Variants in FRK observed in about 807,000 individuals in gnomAD.
FRK encodes fyn related Src family tyrosine kinase.
FRK carries 51 observed loss-of-function variants against 56.4 expected under a neutral mutation model. That is an observed-to-expected ratio of 0.90 (90% CI 0.72 to 1.14). The LOEUF (loss-of-function observed/expected upper bound fraction) is 1.14. Ranked by LOEUF, FRK falls within the 50% of genes most tolerant of loss-of-function variation. The pLI, the probability that FRK is intolerant of heterozygous loss-of-function variation, is 0.00. For synonymous variants in FRK, 245 were observed against 217.9 expected (o/e 1.12, Z -1.10); for missense variants, 570 against 601.4 (o/e 0.95, Z 0.55).
intron 1 of FRK, among the ~76,000 whole-genome samples, chr6:116,009,415 T>A (rs978382418): frequency 2.0e-5 from 3 of 152,214 alleles, no homozygotes; most frequent in Admixed American, 1.3e-4. Context: ...CTAATGTACA[T>A]TAAATTTGAG....
At chr6:116,012,490 T>C (rs1775509159) in intron 1 of FRK, among the ~76,000 whole-genome samples, 1 of 152,206 alleles carries the variant, frequency 6.6e-6, no homozygotes, top group Non-Finnish European at 1.5e-5. Flanking sequence ...TAGCGATGCA[T>C]TTTAAATTCT....
At chr6:115,981,961 G>T (rs1774215406) in intron 2 of FRK, among the ~76,000 whole-genome samples, 1 of 151,962 alleles carries the variant, frequency 6.6e-6, no homozygotes, top group Non-Finnish European at 1.5e-5. Flanking sequence ...ATTAGACAAA[G>T]GTTACTGTGA....
chr6:116,032,930 A>T (rs968850266), intron 1 of FRK, among the ~76,000 whole-genome samples: 1 of 152,142 alleles, frequency 6.6e-6, no homozygotes, highest in Non-Finnish European at 1.5e-5. Context: ...AAAATTTTTA[A>T]ATTATGGAAA....
chr6:115,969,533 G>A (rs1362841640), intron 2 of FRK, among the ~76,000 whole-genome samples: 1 of 152,138 alleles, frequency 6.6e-6, no homozygotes, highest in Non-Finnish European at 1.5e-5. Context: ...GAGAATTGTT[G>A]TTTCTCTGAA....
intron 2 of FRK, among the ~76,000 whole-genome samples, chr6:115,999,812 C>A (rs9488824): frequency 9.5e-4 from 144 of 152,204 alleles, no homozygotes; most frequent in African/African-American, 3.2e-3. Flanking sequence ...CTTTTTCTTT[C>A]CTTTCCATTT....
chr6:116,042,834 G>A (rs755823225), intron 1 of FRK, among the ~76,000 whole-genome samples: 1 of 151,992 alleles, frequency 6.6e-6, no homozygotes, highest in Non-Finnish European at 1.5e-5. Context: ...CTGTATTCAG[G>A]AGATCCATCT....
rs1041175889 is a variant in FRK, at chr6:116,027,975, T to C, written c.345-23977A>G. Reference sequence around the variant, plus strand: ...GTATCTACAGGAAAAGAAAACTGAGTCATTAAAATGCTCATAATAAGTGCC... The same window carrying C: ...GTATCTACAGGAAAAGAAAACTGAGCCATTAAAATGCTCATAATAAGTGCC... On this transcript the variant is annotated intron_variant, in intron 1 of 7. Coordinates refer to ENST00000606080, the MANE Select transcript of FRK (RefSeq NM_002031.3). Among the ~76,000 whole-genome samples, 5 of 152,028 alleles carry C rather than the reference T, an allele frequency of 3.3e-5. No homozygotes were observed. The South Asian group carries it at 8.3e-4, about 25-fold the overall frequency.
chr6:116,012,965 C>T (rs1775526454), intron 1 of FRK, among the ~76,000 whole-genome samples: 1 of 152,098 alleles, frequency 6.6e-6, no homozygotes, highest in South Asian at 2.1e-4. Context: ...CAGGGCTGTA[C>T]ACATGTAAAA....
intron 1 of FRK, among the ~76,000 whole-genome samples, chr6:116,054,410 A>G (rs1001312336): frequency 6.9e-6 from 1 of 145,786 alleles, no homozygotes; most frequent in African/African-American, 2.5e-5. Context: ...TTTTTTATAA[A>G]TATAGTATTA....
upstream of FRK, among the ~76,000 whole-genome samples, chr6:116,065,508 G>A (rs1777744731): frequency 6.6e-6 from 1 of 152,154 alleles, no homozygotes; most frequent in African/African-American, 2.4e-5. Context: ...TCTTTTGCCT[G>A]ATGTGATGAC....
In FRK at chr6:115,935,029, A is replaced by C. The variant is rs1283164060; in HGVS notation, c.*7385T>G. ...TAGAGTTTGACCTATTTTGTAGTCC[A>C]TTTAAAACTCTGGTCTGATTGCTGG... On this transcript the variant is annotated 3_prime_UTR_variant, in exon 8 of 8. Transcript: ENST00000606080. 6.6e-6 allele frequency: 1 copy of C among 152,160 alleles called. No individual in the cohort carries two copies. Among genetic ancestry groups the C allele is most frequent in the Non-Finnish European group, 1.5e-5 (1 of 68,066 alleles). 9.4% of individuals were successfully genotyped at this position (152,160 alleles called of 1,614,324 possible). A position where few individuals can be genotyped will look rare whatever the true frequency, so the allele number is the denominator to read the frequency against.
chr6:115,979,053 C>CAA lies in FRK; in HGVS notation c.467-10316_467-10315dup, dbSNP rs111820717. 2.4e-3 allele frequency among the ~76,000 whole-genome samples: 279 copies of CAA among 116,278 alleles called. 11 individuals are homozygous for CAA. In the South Asian group the frequency reaches 0.044, roughly 18 times the overall value. The allele number at this position is 116,278 out of a possible 152,430, so 76.3% of individuals were successfully genotyped here. A position where few individuals can be genotyped will look rare whatever the true frequency, so the allele number is the denominator to read the frequency against. On this transcript the variant is annotated intron_variant, in intron 2 of 7. Coordinates refer to ENST00000606080, the MANE Select transcript of FRK (RefSeq NM_002031.3). Reference sequence around the variant, plus strand: ...TGGACAACAGAGTGAGACTCTGTCTCAAAAAAAAAAAAAAATACATGCAAA... The same window carrying CAA: ...TGGACAACAGAGTGAGACTCTGTCTCAAAAAAAAAAAAAAAAATACATGCAAA...
chr6:116,049,087 C>G (rs1777095121), intron 1 of FRK, among the ~76,000 whole-genome samples: 1 of 152,112 alleles, frequency 6.6e-6, no homozygotes, highest in African/African-American at 2.4e-5. Context: ...TATCTCTTCT[C>G]TAATCCATTC....
intron 2 of FRK, among the ~76,000 whole-genome samples, chr6:115,997,660 G>A (rs2114678728): frequency 6.6e-6 from 1 of 152,192 alleles, no homozygotes; most frequent in East Asian, 1.9e-4. Context: ...TTTCTGATTA[G>A]TCACCAGTTC....
chr6:115,950,184 G>A (rs1772669372), intron 5 of FRK, among the ~76,000 whole-genome samples: 1 of 152,116 alleles, frequency 6.6e-6, no homozygotes, highest in South Asian at 2.1e-4. Flanking sequence ...TGAGAAATGG[G>A]ATCTAATTAA....
chr6:116,038,089 C>A (rs1188065457), intron 1 of FRK, among the ~76,000 whole-genome samples: 1 of 152,178 alleles, frequency 6.6e-6, no homozygotes, highest in African/African-American at 2.4e-5. Flanking sequence ...CAGCACCAAT[C>A]AGCATGAGAG....
chr6:116,040,086 A>T (rs1429831274), intron 1 of FRK, among the ~76,000 whole-genome samples: 2 of 152,188 alleles, frequency 1.3e-5, no homozygotes, highest in Non-Finnish European at 2.9e-5. Context: ...TAGAATGCAC[A>T]TGGGGGAAGT....
At chr6:116,084,635 A>C in the FRK span, among the ~76,000 whole-genome samples, 1 of 152,286 alleles carries the variant, frequency 6.6e-6, no homozygotes, top group Non-Finnish European at 1.5e-5. Flanking sequence ...GTCACTTTCC[A>C]CTTGATGTTA....
At chr6:116,003,649 A>C (rs1318250384) in intron 2 of FRK, among the ~76,000 whole-genome samples, 1 of 152,166 alleles carries the variant, frequency 6.6e-6, no homozygotes, top group Non-Finnish European at 1.5e-5. Context: ...TCTCCATTTC[A>C]TATCTAGAGC....
Sources: gnomAD v4.1 joint callset for allele counts (sites outside exome capture counted in the v4.1 genomes callset) on GRCh38, gnomAD v4.1.1 for gene constraint, MANE v1.5 for transcripts, NCBI Gene and HGNC (gene_info 2026-07-23, HGNC 2026-07-21) for gene names.